The following RFX4 variants were observed in gnomAD, a reference collection of about 807,000 sequenced individuals.
RFX4 encodes regulatory factor X4.
RFX4 carries 10 observed loss-of-function variants against 95.0 expected under a neutral mutation model. That is an observed-to-expected ratio of 0.11 (90% CI 0.06 to 0.18). RFX4 has a LOEUF of 0.18. Among genes scored for constraint, RFX4 ranks in the 10% least tolerant of loss-of-function variants. The pLI, the probability that RFX4 is intolerant of heterozygous loss-of-function variation, is 1.00. For synonymous variants in RFX4, 321 were observed against 340.7 expected (o/e 0.94, Z 0.64); for missense variants, 640 against 922.0 (o/e 0.69, Z 3.96).
chr12:106,755,677 T>G (rs2043095587), intron 17 of RFX4, among the ~76,000 whole-genome samples: 1 of 152,180 alleles, frequency 6.6e-6, no homozygotes, highest in Non-Finnish European at 1.5e-5. Context: ...AGGTTCAGCA[T>G]AGAGAAAATC....
chr12:106,665,773 T>A (rs940255179), intron 4 of RFX4, among the ~76,000 whole-genome samples: 1 of 151,666 alleles, frequency 6.6e-6, no homozygotes, highest in African/African-American at 2.4e-5. Context: ...GCGAGCACCT[T>A]ATAATGAGAA....
intron 1 of RFX4, among the ~76,000 whole-genome samples, chr12:106,606,619 AG>A: frequency 6.6e-6 from 1 of 152,292 alleles, no homozygotes; most frequent in Non-Finnish European, 1.5e-5. Context: ...GATGTCTGGA[AG>A]GTGCAGCGTT....
intron 2 of RFX4, among the ~76,000 whole-genome samples, chr12:106,617,179 A>G (rs2040088938): frequency 6.6e-6 from 1 of 152,216 alleles, no homozygotes; most frequent in Middle Eastern, 3.4e-3. Context: ...CAATTTTATT[A>G]GTCTTTTCAA....
Position 106,583,138 on chromosome 12 carries a change from T to A in RFX4, c.-183T>A. 2.0e-6 allele frequency: 1 copy of A among 492,198 alleles called. No individual in the cohort carries two copies. The highest frequency in any genetic ancestry group is 3.4e-6 in the Non-Finnish European group (1 of 291,968). The allele number at this position is 492,198 out of a possible 1,614,324, so 30.5% of individuals were successfully genotyped here. A position where few individuals can be genotyped will look rare whatever the true frequency, so the allele number is the denominator to read the frequency against. ...TCTCTCCTCTTTTCTTCTTTCTCTT[T>A]TCTTTCCTCTTCTTTTTCTTTTCTT... On this transcript the variant is annotated 5_prime_UTR_variant, in exon 1 of 18. Coordinates refer to ENST00000392842, the MANE Select transcript of RFX4 (RefSeq NM_213594.3).
At chr12:106,728,108 T>C (rs554974542) in intron 13 of RFX4, among the ~76,000 whole-genome samples, 1 of 152,270 alleles carries the variant, frequency 6.6e-6, no homozygotes, top group Admixed American at 6.5e-5. Flanking sequence ...TTTTCTATGA[T>C]GCATATTTTT....
intron 1 of RFX4, among the ~76,000 whole-genome samples, chr12:106,608,230 C>T (rs1345277977): frequency 6.6e-6 from 1 of 152,096 alleles, no homozygotes. Flanking sequence ...TACCATAGTG[C>T]TTTTGATTTC....
intron 7 of RFX4, among the ~76,000 whole-genome samples, chr12:106,690,485 G>A (rs1031702683): frequency 3.3e-5 from 5 of 152,168 alleles, no homozygotes; most frequent in African/African-American, 1.2e-4. Flanking sequence ...ACTAGCTGCT[G>A]TAACAAATAA....
At chr12:106,677,747 G>T (rs2041422450) in intron 4 of RFX4, among the ~76,000 whole-genome samples, 1 of 152,126 alleles carries the variant, frequency 6.6e-6, no homozygotes, top group South Asian at 2.1e-4. Flanking sequence ...GAGGCAACAA[G>T]ACTGGTGGCA....
intron 14 of RFX4, 78 bp from the exon 15 acceptor site, chr12:106,732,846 T>A: frequency 7.2e-7 from 1 of 1,383,122 alleles, no homozygotes; most frequent in Non-Finnish European, 1.0e-6. Context: ...ATTAGAATAA[T>A]ATTTCACTTT....
At chr12:106,674,620 G>A (rs546432443) in intron 4 of RFX4, among the ~76,000 whole-genome samples, 10 of 151,420 alleles carry the variant, frequency 6.6e-5, no homozygotes, top group African/African-American at 2.4e-5. Context: ...ATGAACCACC[G>A]TGCCTGGCCC....
At chr12:106,749,353 T>C (rs571345721) in intron 16 of RFX4, among the ~76,000 whole-genome samples, 1 of 150,232 alleles carries the variant, frequency 6.7e-6, no homozygotes, top group Non-Finnish European at 1.5e-5. Flanking sequence ...GTGGGGGACA[T>C]GGGAGGAGGA....
chr12:106,697,738 CTG>C (rs1000124544), intron 8 of RFX4, among the ~76,000 whole-genome samples: 3 of 151,866 alleles, frequency 2.0e-5, no homozygotes, highest in African/African-American at 7.3e-5. Flanking sequence ...GCTTCCTGCT[CTG>C]TGTGTGTGTG....
chr12:106,711,857 G>A (rs1211110754), intron 10 of RFX4, among the ~76,000 whole-genome samples: 3 of 152,168 alleles, frequency 2.0e-5, no homozygotes, highest in Admixed American at 2.0e-4. Flanking sequence ...TGAGTTCAAA[G>A]CCACATAATA....
At chr12:106,675,479 C>T (rs1477861954) in intron 4 of RFX4, among the ~76,000 whole-genome samples, 3 of 151,848 alleles carry the variant, frequency 2.0e-5, no homozygotes, top group Admixed American at 1.3e-4. Flanking sequence ...TAAGAGGGTA[C>T]ATTTTAAGTG....
intron 3 of RFX4, among the ~76,000 whole-genome samples, chr12:106,649,263 T>A (rs1277914044): frequency 6.6e-6 from 1 of 152,220 alleles, no homozygotes; most frequent in African/African-American, 2.4e-5. Flanking sequence ...ACATTCCAAT[T>A]AGCAACTTTA....
intron 2 of RFX4, among the ~76,000 whole-genome samples, chr12:106,631,323 C>T (rs192009031): frequency 3.9e-5 from 6 of 152,272 alleles, no homozygotes; most frequent in East Asian, 3.9e-4. Context: ...GTGCTTCCTC[C>T]GACCCTACCA....
intron 1 of RFX4, among the ~76,000 whole-genome samples, chr12:106,600,576 GTGGGT>G (rs931008516): frequency 6.6e-6 from 1 of 152,164 alleles, no homozygotes; most frequent in African/African-American, 2.4e-5. Flanking sequence ...ATGAATGAAT[GTGGGT>G]TACCCTTTCT....
chr12:106,616,957 A>T (rs1474754795), intron 2 of RFX4, among the ~76,000 whole-genome samples: 1 of 150,532 alleles, frequency 6.6e-6, no homozygotes, highest in African/African-American at 2.4e-5. Flanking sequence ...TTAAGTAGAG[A>T]TGGAGTTTCA....
At chr12:106,726,979 C>T (rs554898272) in intron 13 of RFX4, among the ~76,000 whole-genome samples, 2 of 152,148 alleles carry the variant, frequency 1.3e-5, no homozygotes, top group South Asian at 4.2e-4. Flanking sequence ...ACCATGTTGG[C>T]CAGGCTGGTC....
Sources: allele counts gnomAD v4.1 joint callset (sites outside exome capture counted in the v4.1 genomes callset), GRCh38; gene constraint gnomAD v4.1.1; transcripts MANE v1.5; gene names NCBI Gene and HGNC (gene_info 2026-07-23, HGNC 2026-07-21).